TSPOAP1: variants seen among roughly 807,000 people sequenced by gnomAD.
The protein encoded by TSPOAP1 is peripheral-type benzodiazepine receptor-associated protein 1.
TSPOAP1 carries 87 observed loss-of-function variants against 197.0 expected under a neutral mutation model. That is an observed-to-expected ratio of 0.44 (90% CI 0.37 to 0.53). TSPOAP1 has a LOEUF of 0.53. Ranked by LOEUF, TSPOAP1 falls within the 20% of genes least tolerant of loss-of-function variation. The pLI is 0.00. For missense variants in TSPOAP1, 2,174 were observed against 2,411.3 expected, an observed-to-expected ratio of 0.90 and a Z score of 2.06; for synonymous variants, 913 against 998.9, an observed-to-expected ratio of 0.91 and a Z score of 1.62.
chr17:58,317,170 T>C (rs569924363), intron 14 of TSPOAP1, among the ~76,000 whole-genome samples: 149 of 152,150 alleles, frequency 9.8e-4, no homozygotes, highest in African/African-American at 3.5e-3. Flanking sequence ...CACTGCAGCC[T>C]GGGGGATAGA....
intron 15 of TSPOAP1, 47 bp downstream of exon 15, chr17:58,316,378 C>T (rs1419960502): frequency 6.5e-7 from 1 of 1,548,144 alleles, no homozygotes; most frequent in Non-Finnish European, 8.8e-7. Flanking sequence ...CTCCTATACC[C>T]CAAATGCTGG....
intron 16 of TSPOAP1, among the ~76,000 whole-genome samples, chr17:58,314,432 C>T (rs1971159851): frequency 6.6e-6 from 1 of 152,138 alleles, no homozygotes; most frequent in South Asian, 2.1e-4. Context: ...GGTCCTAAAT[C>T]TAATGACAAG....
intron 10 of TSPOAP1, among the ~76,000 whole-genome samples, chr17:58,321,136 C>G (rs1277032785): frequency 6.6e-6 from 1 of 152,122 alleles, no homozygotes; most frequent in Admixed American, 6.5e-5. Context: ...CAGACATGGC[C>G]CAAATGGAAC....
chr17:58,325,318 C>T, intron 4 of TSPOAP1: 1 of 647,030 alleles, frequency 1.5e-6, no homozygotes, highest in African/African-American at 1.8e-5. Flanking sequence ...CGGCAAACAG[C>T]CTCAAGCCTG....
In TSPOAP1 at chr17:58,326,699, T is replaced by A; in HGVS notation, c.425A>T (p.Glu142Val). The change falls in exon 2 of 32, where the codon GAG becomes GTG. Residue 142 changes from glutamate to valine, a missense_variant. Glu to Val is a moderately radical substitution (Grantham distance 121). This residue lies in a region of TSPOAP1 where 1,933 missense variants were observed against 2,139.0 expected (regional missense o/e 0.90). Coordinates refer to ENST00000343736, the MANE Select transcript of TSPOAP1 (RefSeq NM_004758.4). This position sits in a 1 kb window ranked among gnomAD's most constrained non-coding sequence, Gnocchi z 4.7. ...ELRQRCAILKEENQMLRKSSF... is the reference protein window; with the variant it reads ...ELRQRCAILKVENQMLRKSSF... ...AAGCCTCACCAGCATCTGGTTTTCC[T>A]CCTTAAGGATGGCACAGCGCTGCCG... is the stretch of plus-strand genomic sequence containing the variant. The A allele has an allele frequency of 6.2e-7, 1 of 1,614,026 alleles. No individual in the cohort carries two copies. The highest frequency in any genetic ancestry group is 8.5e-7 in the Non-Finnish European group (1 of 1,179,996).
Position 58,325,557 on chromosome 17 carries a change from C to T in TSPOAP1, c.727G>A (p.Ala243Thr). Residue 243 changes from alanine (A) to threonine (T), a missense_variant, in exon 4 of 32, where the codon GCC becomes ACC. By Grantham distance (58) the Ala-to-Thr change is moderately conservative. Around this residue, in one of 5 missense-constraint regions of TSPOAP1, gnomAD observed 1,933 missense variants for 2,139.0 expected, o/e 0.90. Transcript: ENST00000343736. The stretch of plus-strand genomic sequence containing the variant: ...ACCTTGCCCACCAGAGTGAGCCTGG[C>T]CTGCAGCTCCCTGCACTCCCGCTGC... The part of the protein sequence containing the change: ...ALQRECRELQ[A>T]RLTLVGKEGP... 5 of 1,612,670 alleles carry T rather than the reference C, an allele frequency of 3.1e-6. No individual in the cohort carries two copies. Among genetic ancestry groups the T allele is most frequent in the Non-Finnish European group, 4.2e-6 (5 of 1,180,018 alleles).
At chr17:58,316,561 C>G (rs1466904520) in intron 14 of TSPOAP1, 21 bp from the exon 15 acceptor site, 1 of 1,587,666 alleles carries the variant, frequency 6.3e-7, no homozygotes, top group Non-Finnish European at 8.6e-7. Flanking sequence ...ACAGAAAGGG[C>G]TGGTTTCTCT....
intron 26 of TSPOAP1, 49 bp downstream of exon 26, chr17:58,306,293 C>G (rs746281584): frequency 4.0e-6 from 6 of 1,509,022 alleles, no homozygotes; most frequent in Middle Eastern, 3.4e-4. Context: ...CGCCACCCCA[C>G]CGCACACACA....
Position 58,309,877 on chromosome 17 carries a change from T to C in TSPOAP1, c.3891+90A>G. 1 of 1,475,120 alleles carries C rather than the reference T, an allele frequency of 6.8e-7. No homozygotes were observed. The highest frequency in any genetic ancestry group is 9.1e-7 in the Non-Finnish European group (1 of 1,094,624). 91.4% of individuals were successfully genotyped at this position (1,475,120 alleles called of 1,614,324 possible). On this transcript the variant is annotated intron_variant, in intron 21 of 31. Transcript: ENST00000343736. This position sits in a 1 kb window ranked among gnomAD's most constrained non-coding sequence, Gnocchi z 5.0. Reference sequence around the variant, plus strand: ...CACAGACCTAGAATGTTTCTGGCACTCAGTGGTGGTCAGAGCACCTGCTGA... The same window carrying C: ...CACAGACCTAGAATGTTTCTGGCACCCAGTGGTGGTCAGAGCACCTGCTGA...
Position 58,312,041 on chromosome 17 carries a change from G to T in TSPOAP1, c.2780C>A (p.Thr927Asn), listed in dbSNP as rs368301697. 1 of 1,613,580 alleles carries T rather than the reference G, an allele frequency of 6.2e-7. No individual in the cohort carries two copies. Among genetic ancestry groups the T allele is most frequent in the Non-Finnish European group, 8.5e-7 (1 of 1,179,962 alleles). Residue 927 changes from threonine (T) to asparagine (N), a missense_variant, in exon 17 of 32, where the codon ACC (threonine) becomes AAC (asparagine). Coordinates refer to ENST00000343736, the MANE Select transcript of TSPOAP1 (RefSeq NM_004758.4). Reference protein sequence around the residue: ...GEECPPASPSTYWATFCHLRP... With the variant: ...GEECPPASPSNYWATFCHLRP... ...TAAGTGGCAGAAGGTGGCCCAGTAG[G>T]TACTGGGGCTGGCAGGTGGGCACTC...
chr17:58,312,113 A>G lies in TSPOAP1; in HGVS notation c.2708T>C (p.Val903Ala). Reference sequence around the variant, plus strand: ...ATGGGCCAAGTTGCTATTGCCGGGCACCCAGGTGATCTCAGCAGATGTGGC... The same window carrying G: ...ATGGGCCAAGTTGCTATTGCCGGGCGCCCAGGTGATCTCAGCAGATGTGGC... Reference protein sequence around the residue: ...LTATSAEITWVPGNSNLAHAI... With the variant: ...LTATSAEITWAPGNSNLAHAI... Residue 903 changes from valine to alanine, a missense_variant, in exon 17 of 32, where the codon GTG becomes GCG. Physicochemically the swap from Val to Ala is moderately conservative, Grantham distance 64. Around this residue, in one of 5 missense-constraint regions of TSPOAP1, gnomAD observed 1,933 missense variants for 2,139.0 expected, o/e 0.90. Coordinates refer to ENST00000343736, the MANE Select transcript of TSPOAP1 (RefSeq NM_004758.4). 3 of 1,613,310 alleles carry G rather than the reference A, an allele frequency of 1.9e-6. No homozygotes were observed. Among genetic ancestry groups the G allele is most frequent in the Non-Finnish European group, 2.5e-6 (3 of 1,180,000 alleles).
At position 58,302,099 on chromosome 17, in the gene TSPOAP1, A is replaced by C; in HGVS notation, c.*381T>G. Reference sequence around the variant, plus strand: ...TTCTCTAGAGAGTTCATCCTTAAGGAGCCATTTAGCTCTGACCTTCACCAA... The same window carrying C: ...TTCTCTAGAGAGTTCATCCTTAAGGCGCCATTTAGCTCTGACCTTCACCAA... On this transcript the variant is annotated 3_prime_UTR_variant, in exon 32 of 32. Coordinates refer to ENST00000343736, the MANE Select transcript of TSPOAP1 (RefSeq NM_004758.4). The C allele has an allele frequency of 2.0e-6, 1 of 493,292 alleles. No individual in the cohort carries two copies. The highest frequency in any genetic ancestry group is 3.2e-6 in the Non-Finnish European group (1 of 310,890). 30.6% of individuals were successfully genotyped at this position (493,292 alleles called of 1,614,324 possible). A position where few individuals can be genotyped will look rare whatever the true frequency, so the allele number is the denominator to read the frequency against.
intron 16 of TSPOAP1, among the ~76,000 whole-genome samples, chr17:58,315,806 C>T (rs546471377): frequency 6.6e-6 from 1 of 152,236 alleles, no homozygotes; most frequent in South Asian, 2.1e-4. Context: ...TCCCTTCTTT[C>T]TCTTTCCCCA....
chr17:58,309,509 C>A lies in TSPOAP1; in HGVS notation c.3892-129G>T. The A allele has an allele frequency of 7.8e-7, 1 of 1,287,228 alleles. No homozygotes were observed. Among genetic ancestry groups the A allele is most frequent in the Non-Finnish European group, 1.0e-6 (1 of 961,318 alleles). 79.7% of individuals were successfully genotyped at this position (1,287,228 alleles called of 1,614,324 possible). A position where few individuals can be genotyped will look rare whatever the true frequency, so the allele number is the denominator to read the frequency against. ...TACGGACAACCCCACAGCCCTCCCA[C>A]GGCTTCCTCCGAGAGGAGAGAACCA... On this transcript the variant is annotated intron_variant, in intron 21 of 31. Coordinates refer to ENST00000343736, the MANE Select transcript of TSPOAP1 (RefSeq NM_004758.4). The surrounding 1 kb of genome is among the most constrained non-coding windows in gnomAD (Gnocchi z 5.0).
chr17:58,327,034 C>G (rs1403984575), intron 1 of TSPOAP1, among the ~76,000 whole-genome samples: 1 of 152,174 alleles, frequency 6.6e-6, no homozygotes, highest in Admixed American at 6.5e-5. Context: ...CCTTCCCATT[C>G]CTACCCATCT....
rs1292854341 is a variant in TSPOAP1, at chr17:58,310,961, G to T, written c.3334C>A (p.Pro1112Thr). Residue 1112 changes from proline to threonine, a missense_variant, in exon 19 of 32, where the codon CCC becomes ACC. This residue lies in a region of TSPOAP1 where 1,933 missense variants were observed against 2,139.0 expected (regional missense o/e 0.90). Transcript: ENST00000343736. ...LASASPGPGDPSSPLQHPAPL... is the reference protein window; with the variant it reads ...LASASPGPGDTSSPLQHPAPL... Reference sequence around the variant, plus strand: ...GCAGGGTGCTGGAGAGGAGAGCTGGGGTCTCCAGGCCCTGGGGAGGCTGAA... The same window carrying T: ...GCAGGGTGCTGGAGAGGAGAGCTGGTGTCTCCAGGCCCTGGGGAGGCTGAA... 6.3e-7 allele frequency: 1 copy of T among 1,586,228 alleles called. No homozygotes were observed. The highest frequency in any genetic ancestry group is 2.2e-5 in the East Asian group (1 of 44,536).
chr17:58,322,347 G>C lies in TSPOAP1; in HGVS notation c.1383C>G (p.Ser461Arg). Residue 461 changes from serine to arginine, a missense_variant, in exon 10 of 32, where the codon AGC becomes AGG. By Grantham distance (110) the Ser-to-Arg change is moderately radical. This residue lies in a region of TSPOAP1 where 1,933 missense variants were observed against 2,139.0 expected (regional missense o/e 0.90). Transcript: ENST00000343736. This position sits in a 1 kb window ranked among gnomAD's most constrained non-coding sequence, Gnocchi z 5.0. ...GGACCTCCTCCTGCTTCTCCCGTAG[G>C]CTGAGCCGAGCCTGTTCATGCTCCA... ...LEVEHEQARL[S>R]LREKQEEVRR... is the part of the protein sequence containing the mutation. 6.2e-7 allele frequency: 1 copy of C among 1,605,170 alleles called. No individual in the cohort carries two copies. Among genetic ancestry groups the C allele is most frequent in the Admixed American group, 1.7e-5 (1 of 60,004 alleles).
chr17:58,307,747 G>C lies in TSPOAP1; in HGVS notation c.4847C>G (p.Pro1616Arg). 6.2e-7 allele frequency: 1 copy of C among 1,614,156 alleles called. No individual in the cohort carries two copies. Among genetic ancestry groups the C allele is most frequent in the Non-Finnish European group, 8.5e-7 (1 of 1,180,038 alleles). ...STAELVPARS[P>R]SETLAYQHLP... is the part of the protein sequence containing the mutation. ...GTGCTGGTAAGCCAGTGTTTCTGAG[G>C]GGCTCCTCGCAGGGACTGTGGAGAC... is the stretch of plus-strand genomic sequence containing the variant. Residue 1616 changes from proline to arginine, a missense_variant, in exon 24 of 32, where the codon CCC becomes CGC. Around this residue, in one of 5 missense-constraint regions of TSPOAP1, gnomAD observed 1,933 missense variants for 2,139.0 expected, o/e 0.90. Coordinates refer to ENST00000343736, the MANE Select transcript of TSPOAP1 (RefSeq NM_004758.4).
chr17:58,311,532 C>T (rs1435076477), intron 18 of TSPOAP1, 39 bp downstream of exon 18: 26 of 1,523,554 alleles, frequency 1.7e-5, no homozygotes, highest in Non-Finnish European at 2.3e-5. Flanking sequence ...CAAGAAGGGA[C>T]CCACCCCCAC....
Sources: gnomAD v4.1 joint callset for allele counts (sites outside exome capture counted in the v4.1 genomes callset) on GRCh38, gnomAD v4.1.1 for gene constraint, gnomAD v4.1.1 regional missense constraint, Gnocchi (gnomAD v3.1) non-coding constraint, MANE v1.5 for transcripts, NCBI Gene and HGNC (gene_info 2026-07-23, HGNC 2026-07-21) for gene names.